LOC400499: variants seen among roughly 807,000 people sequenced by gnomAD.
At chr16:11,418,270 G>A in the LOC400499 span, among the ~76,000 whole-genome samples, 1 of 151,974 alleles carries the variant, frequency 6.6e-6, no homozygotes, top group Non-Finnish European at 1.5e-5. Flanking sequence ...AATAGACACT[G>A]GGTAAAGTAA....
At chr16:11,496,286 C>G in the LOC400499 span, among the ~76,000 whole-genome samples, 1 of 151,970 alleles carries the variant, frequency 6.6e-6, no homozygotes, top group Non-Finnish European at 1.5e-5. Context: ...AGGCTGGTCT[C>G]GAACTCCTGA....
At chr16:11,477,242 G>C in the LOC400499 span, among the ~76,000 whole-genome samples, 1 of 152,226 alleles carries the variant, frequency 6.6e-6, no homozygotes, top group Non-Finnish European at 1.5e-5. Flanking sequence ...TCCCAGCCCA[G>C]GCTCTTCACG....
At chr16:11,377,240 T>C in the LOC400499 span, among the ~76,000 whole-genome samples, 1 of 152,246 alleles carries the variant, frequency 6.6e-6, no homozygotes, top group Non-Finnish European at 1.5e-5. Context: ...CTAACAGTTG[T>C]TTTTTATTTC....
the LOC400499 span, among the ~76,000 whole-genome samples, chr16:11,438,622 A>T: frequency 1.3e-5 from 2 of 149,626 alleles, no homozygotes; most frequent in East Asian, 4.0e-4. Context: ...AAAAAAAAAA[A>T]AAAAAAAAGT....
At chr16:11,490,188 G>C in the LOC400499 span, among the ~76,000 whole-genome samples, 1 of 152,100 alleles carries the variant, frequency 6.6e-6, no homozygotes, top group African/African-American at 2.4e-5. Flanking sequence ...CTGAGGTCAG[G>C]AGTTCGAGAC....
At chr16:11,381,642 A>G in the LOC400499 span, among the ~76,000 whole-genome samples, 13 of 152,214 alleles carry the variant, frequency 8.5e-5, no homozygotes, top group Non-Finnish European at 1.6e-4. Context: ...AGTGTCATTC[A>G]TGGTAAAGAT....
At chr16:11,457,591 C>G in the LOC400499 span, among the ~76,000 whole-genome samples, 1 of 97,092 alleles carries the variant, frequency 1.0e-5, no homozygotes, top group Non-Finnish European at 2.1e-5. Flanking sequence ...GACTCCATCT[C>G]AAAAAAAAAA....
chr16:11,376,866 T>C, the LOC400499 span, among the ~76,000 whole-genome samples: 1 of 152,160 alleles, frequency 6.6e-6, no homozygotes, highest in Non-Finnish European at 1.5e-5. Flanking sequence ...TCTGGGACTC[T>C]ACATCCTGCC....
chr16:11,384,059 C>T, the LOC400499 span: 2 of 1,231,550 alleles, frequency 1.6e-6, no homozygotes, highest in African/African-American at 1.6e-5. Context: ...ATGTGGCTCC[C>T]CCGCGTACAC....
the LOC400499 span, among the ~76,000 whole-genome samples, chr16:11,496,704 G>A: frequency 2.0e-5 from 3 of 152,076 alleles, no homozygotes; most frequent in Admixed American, 6.6e-5. Context: ...GTGTGCCCAC[G>A]CACAGCCCAG....
chr16:11,468,023 C>A, the LOC400499 span, among the ~76,000 whole-genome samples: 1 of 152,058 alleles, frequency 6.6e-6, no homozygotes, highest in Non-Finnish European at 1.5e-5. Flanking sequence ...CCAAGGAGCT[C>A]TGGGGGCTTC....
the LOC400499 span, among the ~76,000 whole-genome samples, chr16:11,454,790 G>A: frequency 6.6e-6 from 1 of 152,308 alleles, no homozygotes; most frequent in East Asian, 1.9e-4. Flanking sequence ...GCTACTGAAA[G>A]ATGTACTCCA....
the LOC400499 span, among the ~76,000 whole-genome samples, chr16:11,459,188 ATT>A: frequency 3.0e-3 from 359 of 119,850 alleles, 1 homozygote; most frequent in African/African-American, 0.012. Flanking sequence ...TCCTAAACCA[ATT>A]TTTTTTTTTT....
chr16:11,471,909 C>T, the LOC400499 span: 3 of 398,370 alleles, frequency 7.5e-6, no homozygotes, highest in African/African-American at 4.1e-5. Context: ...AGCAAAGAAA[C>T]CTCTTCTCTA....
chr16:11,469,515 C>T, the LOC400499 span: 1 of 399,096 alleles, frequency 2.5e-6, no homozygotes, highest in Non-Finnish European at 4.4e-6. Flanking sequence ...TACCGTCCAG[C>T]TCGATTTTCT....
At chr16:11,380,908 C>T in the LOC400499 span, 4 of 156,442 alleles carry the variant, frequency 2.6e-5, no homozygotes, top group Non-Finnish European at 4.3e-5. Flanking sequence ...CTTGGCACTT[C>T]ATAGTTGTCT....
At chr16:11,456,276 C>T in the LOC400499 span, among the ~76,000 whole-genome samples, 11 of 152,258 alleles carry the variant, frequency 7.2e-5, no homozygotes, top group South Asian at 2.3e-3. Flanking sequence ...AACTCCTGAC[C>T]TCAAGTAATC....
the LOC400499 span, among the ~76,000 whole-genome samples, chr16:11,387,566 T>A: frequency 2.6e-5 from 4 of 152,154 alleles, no homozygotes; most frequent in Non-Finnish European, 5.9e-5. Flanking sequence ...ATGCCTACTC[T>A]GCTCCCCGGG....
the LOC400499 span, among the ~76,000 whole-genome samples, chr16:11,496,035 G>A: frequency 6.6e-6 from 1 of 151,660 alleles, no homozygotes; most frequent in African/African-American, 2.4e-5. Flanking sequence ...CTTGGCAGCT[G>A]TGGAGAAATA....
Sources: gnomAD v4.1 joint callset for allele counts (sites outside exome capture counted in the v4.1 genomes callset) on GRCh38, gnomAD v4.1.1 for gene constraint, MANE v1.5 for transcripts.